EXOC4: variants seen among roughly 807,000 people sequenced by gnomAD.
EXOC4 encodes the protein SEC8-like 1.
EXOC4 carries 71 observed loss-of-function variants against 107.2 expected under a neutral mutation model. That is an observed-to-expected ratio of 0.66 (90% CI 0.55 to 0.81). EXOC4 has a LOEUF of 0.81. Among genes scored for constraint, EXOC4 ranks in the 30% least tolerant of loss-of-function variants. The pLI, the probability that EXOC4 is intolerant of heterozygous loss-of-function variation, is 0.00. For synonymous variants in EXOC4, 456 were observed against 441.2 expected (o/e 1.03, Z -0.42); for missense variants, 1,108 against 1,189.6 (o/e 0.93, Z 1.01).
At chr7:134,027,755 G>A (rs144106994) in intron 17 of EXOC4, among the ~76,000 whole-genome samples, 8 of 151,916 alleles carry the variant, frequency 5.3e-5, no homozygotes, top group East Asian at 3.9e-4. Context: ...ATTTGAATTT[G>A]GTAAGAATAG....
chr7:133,793,986 A>G (rs1421703146), intron 10 of EXOC4, among the ~76,000 whole-genome samples: 5 of 152,146 alleles, frequency 3.3e-5, no homozygotes, highest in Admixed American at 1.3e-4. Context: ...TCAGCCTTAC[A>G]TTACCCTTCT....
chr7:133,963,526 G>A (rs1800993843), intron 14 of EXOC4, among the ~76,000 whole-genome samples: 1 of 152,196 alleles, frequency 6.6e-6, no homozygotes, highest in Non-Finnish European at 1.5e-5. Context: ...TGAAAGGAAA[G>A]TGACAAATAG....
Position 134,004,916 on chromosome 7 carries a change from C to T in EXOC4, c.2353C>T (p.His785Tyr), listed in dbSNP as rs751872708. 1 of 1,610,276 alleles carries T rather than the reference C, an allele frequency of 6.2e-7. No individual in the cohort carries two copies. The highest frequency in any genetic ancestry group is 1.1e-5 in the South Asian group (1 of 90,660). ...LLVLHLEVRV[H>Y]CFHYLIPLAK... ...CCCTATCTCTCTCTTTTTCAGGGTT[C>T]ACTGTTTCCACTATCTTATCCCTCT... Residue 785 changes from histidine (H) to tyrosine (Y), a missense_variant, in exon 16 of 18, where the codon CAC becomes TAC. Coordinates refer to ENST00000253861, the MANE Select transcript of EXOC4 (RefSeq NM_021807.4).
intron 11 of EXOC4, among the ~76,000 whole-genome samples, chr7:133,873,203 T>C (rs1052631540): frequency 6.6e-6 from 1 of 152,208 alleles, no homozygotes; most frequent in African/African-American, 2.4e-5. Context: ...CACTCTGGCC[T>C]AGGTGGCAGA....
At chr7:133,808,840 C>G (rs1042248446) in intron 10 of EXOC4, among the ~76,000 whole-genome samples, 6 of 152,064 alleles carry the variant, frequency 3.9e-5, no homozygotes, top group Non-Finnish European at 7.4e-5. Flanking sequence ...TCCATGATTT[C>G]CCTTAGAGTG....
chr7:133,318,597 T>C (rs1312185631), intron 5 of EXOC4, among the ~76,000 whole-genome samples: 1 of 152,134 alleles, frequency 6.6e-6, no homozygotes, highest in Non-Finnish European at 1.5e-5. Flanking sequence ...CTTGAAATAA[T>C]GAAAAGGTAG....
At chr7:133,363,609 T>TAAA (rs10714895) in intron 6 of EXOC4, among the ~76,000 whole-genome samples, 3 of 142,540 alleles carry the variant, frequency 2.1e-5, no homozygotes, top group African/African-American at 7.8e-5. Flanking sequence ...GTGGCAAAGT[T>TAAA]AAAAAAAAAA....
intron 10 of EXOC4, among the ~76,000 whole-genome samples, chr7:133,797,424 T>G (rs1289804489): frequency 6.6e-6 from 1 of 152,160 alleles, no homozygotes; most frequent in Non-Finnish European, 1.5e-5. Flanking sequence ...TCAGGTGTGA[T>G]TATCAAAGAT....
intron 10 of EXOC4, among the ~76,000 whole-genome samples, chr7:133,750,338 G>T (rs935879567): frequency 2.6e-5 from 4 of 152,110 alleles, no homozygotes; most frequent in East Asian, 1.9e-4. Flanking sequence ...ACACTTTTCA[G>T]GGTATCCATT....
intron 5 of EXOC4, among the ~76,000 whole-genome samples, chr7:133,317,802 C>T: frequency 6.6e-6 from 1 of 152,064 alleles, no homozygotes; most frequent in East Asian, 1.9e-4. Flanking sequence ...CTGCCTTGGC[C>T]TCAAGAGAAG....
At chr7:133,283,784 C>T (rs956184802) in intron 2 of EXOC4, among the ~76,000 whole-genome samples, 2 of 152,196 alleles carry the variant, frequency 1.3e-5, no homozygotes, top group African/African-American at 4.8e-5. Context: ...CTCCAAGCAA[C>T]TGCTGATTTG....
At chr7:133,896,166 A>G (rs769963875) in intron 12 of EXOC4, among the ~76,000 whole-genome samples, 1 of 152,178 alleles carries the variant, frequency 6.6e-6, no homozygotes, top group African/African-American at 2.4e-5. Flanking sequence ...TAGCATTCCT[A>G]CTGTCACAAA....
chr7:133,549,410 C>A, intron 9 of EXOC4, among the ~76,000 whole-genome samples: 1 of 151,778 alleles, frequency 6.6e-6, no homozygotes, highest in East Asian at 1.9e-4. Flanking sequence ...ATTGGGAAGC[C>A]GGAGGAGAGA....
At chr7:133,767,219 C>A (rs1398986710) in intron 10 of EXOC4, among the ~76,000 whole-genome samples, 2 of 151,822 alleles carry the variant, frequency 1.3e-5, no homozygotes, top group East Asian at 1.9e-4. Context: ...CAAAAACTTT[C>A]TTTTCTATCA....
chr7:133,425,276 A>T (rs1447499306), intron 7 of EXOC4, among the ~76,000 whole-genome samples: 1 of 152,156 alleles, frequency 6.6e-6, no homozygotes, highest in East Asian at 1.9e-4. Context: ...CTTCCTCCTC[A>T]GCCAAGACAC....
intron 14 of EXOC4, among the ~76,000 whole-genome samples, chr7:133,954,255 C>T (rs1402820082): frequency 6.6e-6 from 1 of 152,164 alleles, no homozygotes; most frequent in Non-Finnish European, 1.5e-5. Flanking sequence ...CAGTAATAAT[C>T]TATCAGATGA....
chr7:133,840,344 G>A (rs1585189761), intron 11 of EXOC4, among the ~76,000 whole-genome samples: 1 of 152,232 alleles, frequency 6.6e-6, no homozygotes, highest in African/African-American at 2.4e-5. Context: ...ATAGTATAGG[G>A]ATGCATATCT....
At chr7:133,431,755 AC>A (rs1267460028) in intron 7 of EXOC4, among the ~76,000 whole-genome samples, 1 of 152,200 alleles carries the variant, frequency 6.6e-6, no homozygotes, top group Admixed American at 6.5e-5. Context: ...TATAGACCGG[AC>A]CCGTAATGAA....
In EXOC4 at chr7:133,937,159, C is replaced by A. The variant is rs111519386; in HGVS notation, c.2028-732C>A. ...TCCCTTCCAGCTTCATCCTTTGTAA[C>A]CCCCTGTAACTTGATTTTTCAACCC... On this transcript the variant is annotated intron_variant, in intron 13 of 17. Transcript: ENST00000253861. 1.2e-3 allele frequency among the ~76,000 whole-genome samples: 190 copies of A among 152,174 alleles called. 1 individual carries two copies. Among genetic ancestry groups the A allele is most frequent in the African/African-American group, 4.2e-3 (176 of 41,516 alleles).
Sources: gnomAD v4.1 joint callset for allele counts (sites outside exome capture counted in the v4.1 genomes callset) on GRCh38, gnomAD v4.1.1 for gene constraint, MANE v1.5 for transcripts, NCBI Gene and HGNC (gene_info 2026-07-23, HGNC 2026-07-21) for gene names.